Variants in FMNL2 observed in about 807,000 individuals in gnomAD.
FMNL2 encodes formin-like protein 2.
In FMNL2, 51 loss-of-function variants were observed where a neutral mutation model predicts 130.2. The ratio of observed to expected loss-of-function variants is 0.39; its 90% CI spans 0.31 to 0.49. FMNL2 has a LOEUF of 0.49. FMNL2 is among the 20% of genes least tolerant of loss of function. The pLI, the probability that FMNL2 is intolerant of heterozygous loss-of-function variation, is 0.85. For missense variants in FMNL2, 977 were observed against 1,316.2 expected, an observed-to-expected ratio of 0.74 and a Z score of 3.99; for synonymous variants, 465 against 467.1, an observed-to-expected ratio of 1.00 and a Z score of 0.06.
chr2:152,589,431 G>C (rs1697263537), intron 9 of FMNL2, among the ~76,000 whole-genome samples: 1 of 152,110 alleles, frequency 6.6e-6, no homozygotes, highest in African/African-American at 2.4e-5. Context: ...TATAAAAGTT[G>C]GCATATGTGC....
intron 1 of FMNL2, among the ~76,000 whole-genome samples, chr2:152,451,554 T>C (rs1226140605): frequency 6.6e-6 from 1 of 152,060 alleles, no homozygotes; most frequent in African/African-American, 2.4e-5. Flanking sequence ...CTGTACCTGA[T>C]TGACATAGGT....
At chr2:152,397,053 A>T (rs1478537496) in intron 1 of FMNL2, among the ~76,000 whole-genome samples, 1 of 152,212 alleles carries the variant, frequency 6.6e-6, no homozygotes, top group Non-Finnish European at 1.5e-5. Flanking sequence ...TTAAAATTGC[A>T]ATTAGCATTA....
chr2:152,455,906 G>T (rs1208227200), intron 1 of FMNL2, among the ~76,000 whole-genome samples: 2 of 152,076 alleles, frequency 1.3e-5, no homozygotes, highest in Non-Finnish European at 2.9e-5. Context: ...GTAGAGACGG[G>T]GTCTCACTAC....
chr2:152,486,716 G>A (rs997902675), intron 1 of FMNL2, among the ~76,000 whole-genome samples: 2 of 152,154 alleles, frequency 1.3e-5, no homozygotes, highest in Non-Finnish European at 1.5e-5. Flanking sequence ...AGGCTTGAAC[G>A]TGGCTGCTAA....
chr2:152,487,633 C>T (rs1218479247), intron 1 of FMNL2, among the ~76,000 whole-genome samples: 1 of 152,066 alleles, frequency 6.6e-6, no homozygotes, highest in Admixed American at 6.6e-5. Context: ...CATTAAAAAA[C>T]ATCTTTAAAA....
chr2:152,627,573 C>A (rs532428903), intron 17 of FMNL2, among the ~76,000 whole-genome samples: 29 of 152,178 alleles, frequency 1.9e-4, no homozygotes, highest in Non-Finnish European at 3.8e-4. Context: ...TGATTTCTGT[C>A]ATTGAATCCT....
At chr2:152,621,179 G>C in intron 15 of FMNL2, 1 of 966,268 alleles carries the variant, frequency 1.0e-6, no homozygotes, top group Non-Finnish European at 1.2e-6. Context: ...AGGCGCACTT[G>C]CTGTGAGATG....
At chr2:152,627,692 A>C (rs1164515288) in intron 17 of FMNL2, among the ~76,000 whole-genome samples, 1 of 152,242 alleles carries the variant, frequency 6.6e-6, no homozygotes, top group African/African-American at 2.4e-5. Context: ...TAGAGAATAG[A>C]GACTGTAACA....
chr2:152,420,777 G>T (rs953165080), intron 1 of FMNL2, among the ~76,000 whole-genome samples: 1 of 152,172 alleles, frequency 6.6e-6, no homozygotes, highest in African/African-American at 2.4e-5. Flanking sequence ...GAGGTTGCAG[G>T]GGGTGCCTTC....
At chr2:152,434,051 G>T (rs1332517395) in intron 1 of FMNL2, among the ~76,000 whole-genome samples, 1 of 152,244 alleles carries the variant, frequency 6.6e-6, no homozygotes, top group Admixed American at 6.5e-5. Flanking sequence ...TGAGGGGAAA[G>T]TTGGCTGGGT....
intron 11 of FMNL2, among the ~76,000 whole-genome samples, chr2:152,613,064 C>A (rs557490511): frequency 6.6e-6 from 1 of 152,296 alleles, no homozygotes; most frequent in African/African-American, 2.4e-5. Context: ...CTGGGCTGCC[C>A]TTGAATAGAT....
intron 2 of FMNL2, among the ~76,000 whole-genome samples, chr2:152,528,218 T>G (rs1266707750): frequency 6.6e-6 from 1 of 152,232 alleles, no homozygotes; most frequent in Non-Finnish European, 1.5e-5. Context: ...AATTACTGAC[T>G]GTAGTATAAG....
chr2:152,488,415 G>A (rs1241421652), intron 1 of FMNL2, among the ~76,000 whole-genome samples: 1 of 152,134 alleles, frequency 6.6e-6, no homozygotes, highest in Non-Finnish European at 1.5e-5. Context: ...CAAGACACAC[G>A]AGCAATACTT....
intron 9 of FMNL2, among the ~76,000 whole-genome samples, chr2:152,607,070 T>C (rs887021967): frequency 6.7e-5 from 10 of 148,424 alleles, no homozygotes; most frequent in Admixed American, 4.7e-4. Flanking sequence ...AAAAAATTCG[T>C]GAGACTGCAA....
Position 152,589,977 on chromosome 2 carries a change from A to G in FMNL2, c.876+8928A>G, listed in dbSNP as rs1219536399. Reference sequence around the variant, plus strand: ...TATATATATATATATATATATATATATATATATGTATATGTATATGTATAT... The same window carrying G: ...TATATATATATATATATATATATATGTATATATGTATATGTATATGTATAT... On this transcript the variant is annotated intron_variant, in intron 9 of 25. Coordinates refer to ENST00000288670, the MANE Select transcript of FMNL2 (RefSeq NM_052905.4). Among the ~76,000 whole-genome samples, 5 of 44,924 alleles carry G rather than the reference A, an allele frequency of 1.1e-4. 1 individual carries two copies. Among genetic ancestry groups the G allele is most frequent in the African/African-American group, 3.3e-4 (3 of 9,080 alleles). The allele number at this position is 44,924 out of a possible 152,430, so 29.5% of individuals were successfully genotyped here. A position where few individuals can be genotyped will look rare whatever the true frequency, so the allele number is the denominator to read the frequency against.
intron 2 of FMNL2, among the ~76,000 whole-genome samples, chr2:152,526,476 A>G (rs1013639185): frequency 1.3e-5 from 2 of 152,008 alleles, no homozygotes; most frequent in African/African-American, 4.8e-5. Context: ...ACATTTAGCT[A>G]TGCTCACTCC....
chr2:152,578,763 C>A, intron 7 of FMNL2, 125 bp from the exon 8 acceptor site: 1 of 661,286 alleles, frequency 1.5e-6, no homozygotes, highest in Non-Finnish European at 2.6e-6. Context: ...GACATAAGTG[C>A]ATTTATAATG....
chr2:152,614,781 A>T, intron 11 of FMNL2, 70 bp from the exon 12 acceptor site: 2 of 1,479,394 alleles, frequency 1.4e-6, no homozygotes, highest in Non-Finnish European at 1.8e-6. Flanking sequence ...AAAAAGACAG[A>T]CTCTTAGGAA....
chr2:152,552,312 A>T lies in FMNL2; in HGVS notation c.359+3215A>T, dbSNP rs1694978751. Among the ~76,000 whole-genome samples, 10 of 152,184 alleles carry T rather than the reference A, an allele frequency of 6.6e-5. No individual in the cohort carries two copies. The South Asian group carries it at 2.1e-3, about 31-fold the overall frequency. On this transcript the variant is annotated intron_variant, in intron 4 of 25. Transcript: ENST00000288670. ...ATCTCTAAGGATATACATCTCTTAT[A>T]TATATCTCTAAGGAATTCCCTAAGG...
Sources: gnomAD v4.1 joint callset for allele counts (sites outside exome capture counted in the v4.1 genomes callset) on GRCh38, gnomAD v4.1.1 for gene constraint, MANE v1.5 for transcripts, NCBI Gene and HGNC (gene_info 2026-07-23, HGNC 2026-07-21) for gene names.